The following PPP1R18 variants were observed in gnomAD, a reference collection of about 807,000 sequenced individuals.
PPP1R18 encodes the protein phostensin.
PPP1R18 carries 31 observed loss-of-function variants against 54.8 expected under a neutral mutation model. The observed-to-expected ratio is 0.57, with a 90% CI of 0.43 to 0.76. The LOEUF (loss-of-function observed/expected upper bound fraction) is 0.76. Among genes scored for constraint, PPP1R18 ranks in the 30% least tolerant of loss-of-function variants. PPP1R18 has a pLI of 0.00. For synonymous variants in PPP1R18, 310 were observed against 320.2 expected (o/e 0.97, Z 0.34); for missense variants, 685 against 776.1 (o/e 0.88, Z 1.39).
chr6:30,678,209 C>A (rs76488288), intron 2 of PPP1R18, among the ~76,000 whole-genome samples: 3 of 150,486 alleles, frequency 2.0e-5, no homozygotes, highest in Non-Finnish European at 3.0e-5. Context: ...CCGTGCCTGG[C>A]CTGTTTGTTT....
At position 30,683,624 on chromosome 6, in the gene PPP1R18, G is replaced by A. The variant is rs1435145786; in HGVS notation, c.1611+784C>T. Among the ~76,000 whole-genome samples, 10 of 152,186 alleles carry A rather than the reference G, an allele frequency of 6.6e-5. No individual in the cohort carries two copies. Among genetic ancestry groups the A allele is most frequent in the Admixed American group, 6.5e-4 (10 of 15,284 alleles). Reference sequence around the variant, plus strand: ...AGGGAGGGGAAACCCAGGGAGGAAGGACAGGGGAGTGAGGGGCGGGGGTAT... The same window carrying A: ...AGGGAGGGGAAACCCAGGGAGGAAGAACAGGGGAGTGAGGGGCGGGGGTAT... On this transcript the variant is annotated intron_variant, in intron 1 of 2. Transcript: ENST00000274853. The surrounding 1 kb of genome is among the most constrained non-coding windows in gnomAD (Gnocchi z 5.1).
chr6:30,683,959 C>G lies in PPP1R18; in HGVS notation c.1611+449G>C, dbSNP rs1196096665. On this transcript the variant is annotated intron_variant, in intron 1 of 2. Transcript: ENST00000274853. The surrounding 1 kb of genome is among the most constrained non-coding windows in gnomAD (Gnocchi z 5.1). ...CCTAGAACACAAACCCACCCCACCCCCTCCACCACCCCAGGCTCCCTATCC... is the reference window on the plus strand; with the variant it reads ...CCTAGAACACAAACCCACCCCACCCGCTCCACCACCCCAGGCTCCCTATCC... Among the ~76,000 whole-genome samples, 2 of 152,084 alleles carry G rather than the reference C, an allele frequency of 1.3e-5. No individual in the cohort carries two copies. Among genetic ancestry groups the G allele is most frequent in the African/African-American group, 4.8e-5 (2 of 41,402 alleles).
Position 30,686,055 on chromosome 6 carries a change from A to G in PPP1R18, c.-37T>C. Reference sequence around the variant, plus strand: ...GGTGAGGGTAGGGAGCACTGGGGACAGAGAACAGGAAGGAGAGGCTCCAGA... The same window carrying G: ...GGTGAGGGTAGGGAGCACTGGGGACGGAGAACAGGAAGGAGAGGCTCCAGA... On this transcript the variant is annotated 5_prime_UTR_variant, in exon 1 of 3. Transcript: ENST00000274853. 5.3e-6 allele frequency: 8 copies of G among 1,517,338 alleles called. No homozygotes were observed. Among genetic ancestry groups the G allele is most frequent in the Non-Finnish European group, 7.0e-6 (8 of 1,140,564 alleles). 94.0% of individuals were successfully genotyped at this position (1,517,338 alleles called of 1,614,324 possible). A position where few individuals can be genotyped will look rare whatever the true frequency, so the allele number is the denominator to read the frequency against.
chr6:30,679,587 C>T (rs1770422061), intron 1 of PPP1R18, among the ~76,000 whole-genome samples, 198 bp from the exon 2 acceptor site: 1 of 152,074 alleles, frequency 6.6e-6, no homozygotes, highest in Admixed American at 6.6e-5. Context: ...TTTTCCTTTC[C>T]ATACTGGCTC....
At chr6:30,687,719 G>A (rs1771094903), upstream of PPP1R18, 1 of 152,800 alleles carries the variant, frequency 6.5e-6, no homozygotes, top group African/African-American at 2.4e-5. The surrounding 1 kb of genome is among the most constrained non-coding windows in gnomAD (Gnocchi z 7.9). Flanking sequence ...GGGCTTTGTG[G>A]ATGGGCGGCA....
At chr6:30,679,456 G>A (rs536520594) in intron 1 of PPP1R18, 67 bp from the exon 2 acceptor site, 329 of 475,664 alleles carry the variant, frequency 6.9e-4, no homozygotes, top group Non-Finnish European at 1.0e-3. Flanking sequence ...GGGGTTGAGG[G>A]AGAGAAAGCG....
rs116704984 is a variant in PPP1R18, at chr6:30,685,772, C to G, written c.247G>C (p.Gly83Arg). 1.9e-6 allele frequency: 3 copies of G among 1,612,886 alleles called. No individual in the cohort carries two copies. The highest frequency in any genetic ancestry group is 1.1e-5 in the South Asian group (1 of 91,092). Residue 83 changes from glycine to arginine, a missense_variant, in exon 1 of 3, where the codon GGG becomes CGG. Coordinates refer to ENST00000274853, the MANE Select transcript of PPP1R18 (RefSeq NM_133471.4). The surrounding 1 kb of genome is among the most constrained non-coding windows in gnomAD (Gnocchi z 5.0). ...ATGAATCGGTTCTGGTGCACTGGCCCGATGGCCTCCAGAAGGACCGCAGAC... is the reference window on the plus strand; with the variant it reads ...ATGAATCGGTTCTGGTGCACTGGCCGGATGGCCTCCAGAAGGACCGCAGAC... ...DESAVLLEAI[G>R]PVHQNRFIRQ...
Position 30,684,953 on chromosome 6 carries a change from G to C in PPP1R18, c.1066C>G (p.Pro356Ala). 1 of 1,613,128 alleles carries C rather than the reference G, an allele frequency of 6.2e-7. No individual in the cohort carries two copies. Among genetic ancestry groups the C allele is most frequent in the Non-Finnish European group, 8.5e-7 (1 of 1,180,020 alleles). ...TTCTCTGCTGACTCTGGAGGTTCTG[G>C]TTTCTGAGTTTGAGCCTCTATGTCC... Reference protein sequence around the residue: ...PRDIEAQTQKPEPPESAEKLL... With the variant: ...PRDIEAQTQKAEPPESAEKLL... The change falls in exon 1 of 3, where the codon CCA (proline) becomes GCA (alanine). Residue 356 changes from proline to alanine, a missense_variant. Transcript: ENST00000274853. This position sits in a 1 kb window ranked among gnomAD's most constrained non-coding sequence, Gnocchi z 6.0.
chr6:30,684,508 T>A lies in PPP1R18; in HGVS notation c.1511A>T (p.Lys504Met). The A allele has an allele frequency of 6.2e-7, 1 of 1,612,628 alleles. No homozygotes were observed. The highest frequency in any genetic ancestry group is 8.5e-7 in the Non-Finnish European group (1 of 1,179,802). The change falls in exon 1 of 3, where the codon AAG (lysine) becomes ATG (methionine). Residue 504 changes from lysine (K) to methionine (M), a missense_variant. Coordinates refer to ENST00000274853, the MANE Select transcript of PPP1R18 (RefSeq NM_133471.4). This position sits in a 1 kb window ranked among gnomAD's most constrained non-coding sequence, Gnocchi z 6.0. ...VDAAVPGAGK[K>M]RYPTAEEILV... ...GATCTCCTCGGCAGTTGGGTACCGC[T>A]TCTTCCCAGCCCCCGGGACTGCAGC...
At position 30,684,793 on chromosome 6, in the gene PPP1R18, C is replaced by T. The variant is rs1770775850; in HGVS notation, c.1226G>A (p.Gly409Glu). The change falls in exon 1 of 3, where the codon GGG (glycine) becomes GAG (glutamate). Residue 409 changes from glycine (G) to glutamate (E), a missense_variant. Gly to Glu is a moderately conservative substitution (Grantham distance 98). Transcript: ENST00000274853. The surrounding 1 kb of genome is among the most constrained non-coding windows in gnomAD (Gnocchi z 6.0). Reference protein sequence around the residue: ...VPSPLPPEDAGTGGLRQQEEE... With the variant: ...VPSPLPPEDAETGGLRQQEEE... ...TTCCTGCTGTCTCAGGCCTCCAGTCCCAGCGTCCTCTGGTGGGAGGGGGGA... is the reference window on the plus strand; with the variant it reads ...TTCCTGCTGTCTCAGGCCTCCAGTCTCAGCGTCCTCTGGTGGGAGGGGGGA... 6.2e-7 allele frequency: 1 copy of T among 1,608,230 alleles called. No individual in the cohort carries two copies. The highest frequency in any genetic ancestry group is 1.3e-5 in the African/African-American group (1 of 74,626).
chr6:30,679,432 G>T (rs117288608), intron 1 of PPP1R18, 43 bp from the exon 2 acceptor site: 1 of 1,417,730 alleles, frequency 7.1e-7, no homozygotes, highest in East Asian at 2.5e-5. Flanking sequence ...AGGTCAGCAG[G>T]GGAGAAGCCC....
At position 30,679,216 on chromosome 6, in the gene PPP1R18, C is replaced by A; in HGVS notation, c.1785G>T (p.Glu595Asp). The A allele has an allele frequency of 1.3e-6, 2 of 1,587,308 alleles. No individual in the cohort carries two copies. Among genetic ancestry groups the A allele is most frequent in the Non-Finnish European group, 1.7e-6 (2 of 1,168,682 alleles). ...DEEELLLLQP[E>D]LQGGLRTKAL... The stretch of plus-strand genomic sequence containing the variant: ...CCTTGGTGCGCAGCCCGCCCTGGAG[C>A]TCTGGCTGCAGCAGCAGCAGCTCTT... The change falls in exon 2 of 3, where the codon GAG becomes GAT. Residue 595 changes from glutamate (E) to aspartate (D), a missense_variant. By Grantham distance (45) the Glu-to-Asp change is conservative (BLOSUM62 2). Coordinates refer to ENST00000274853, the MANE Select transcript of PPP1R18 (RefSeq NM_133471.4).
rs923710925 is a variant in PPP1R18, at chr6:30,683,446, A to G, written c.1611+962T>C. ...TGACCCTCTGCTGGCCTCAGCCCCA[A>G]CCCCTGTCCAGAACTCCCACTGTGC... On this transcript the variant is annotated intron_variant, in intron 1 of 2. Coordinates refer to ENST00000274853, the MANE Select transcript of PPP1R18 (RefSeq NM_133471.4). This position sits in a 1 kb window ranked among gnomAD's most constrained non-coding sequence, Gnocchi z 5.1. Among the ~76,000 whole-genome samples, 2 of 152,010 alleles carry G rather than the reference A, an allele frequency of 1.3e-5. No homozygotes were observed. The highest frequency in any genetic ancestry group is 2.9e-5 in the Non-Finnish European group (2 of 68,000).
chr6:30,684,385 G>A lies in PPP1R18; in HGVS notation c.1611+23C>T. ...AAATTGACAAGTGGACTTCTAAGAA[G>A]TCTGGCTTGGCTGCTTCCCTACCTG... is the stretch of plus-strand genomic sequence containing the variant. On this transcript the variant is annotated intron_variant, in intron 1 of 2. Coordinates refer to ENST00000274853, the MANE Select transcript of PPP1R18 (RefSeq NM_133471.4). This position sits in a 1 kb window ranked among gnomAD's most constrained non-coding sequence, Gnocchi z 6.0. 1.3e-6 allele frequency: 2 copies of A among 1,517,064 alleles called. No homozygotes were observed. The highest frequency in any genetic ancestry group is 1.8e-4 in the Middle Eastern group (1 of 5,606). The allele number at this position is 1,517,064 out of a possible 1,614,324, so 94.0% of individuals were successfully genotyped here. A position where few individuals can be genotyped will look rare whatever the true frequency, so the allele number is the denominator to read the frequency against.
In PPP1R18 at chr6:30,676,940, G is replaced by T; in HGVS notation, c.*329C>A. 1 of 492,422 alleles carries T rather than the reference G, an allele frequency of 2.0e-6. No homozygotes were observed. Among genetic ancestry groups the T allele is most frequent in the Non-Finnish European group, 3.6e-6 (1 of 277,542 alleles). The allele number at this position is 492,422 out of a possible 1,614,324, so 30.5% of individuals were successfully genotyped here. On this transcript the variant is annotated 3_prime_UTR_variant, in exon 3 of 3. Transcript: ENST00000274853. ...ACGGGATGGTGGGGAGGAAGGCTGTGGGGAGAGTGTACCCTGCCATGGGGG... is the reference window on the plus strand; with the variant it reads ...ACGGGATGGTGGGGAGGAAGGCTGTTGGGAGAGTGTACCCTGCCATGGGGG...
chr6:30,684,753 C>A lies in PPP1R18; in HGVS notation c.1266G>T (p.Glu422Asp). ...GAGGGGCTGGTGGTGGGGGCTGGAG[C>A]TCCACTGCTTCCTCTTCCTGCTGTC... ...GLRQQEEEAV[E>D]LQPPPPAPLS... Residue 422 changes from glutamate (E) to aspartate (D), a missense_variant, in exon 1 of 3, where the codon GAG becomes GAT. By Grantham distance (45) the Glu-to-Asp change is conservative (BLOSUM62 2). Coordinates refer to ENST00000274853, the MANE Select transcript of PPP1R18 (RefSeq NM_133471.4). The surrounding 1 kb of genome is among the most constrained non-coding windows in gnomAD (Gnocchi z 6.0). 2 of 1,577,110 alleles carry A rather than the reference C, an allele frequency of 1.3e-6. No homozygotes were observed. Among genetic ancestry groups the A allele is most frequent in the South Asian group, 1.2e-5 (1 of 85,646 alleles).
rs1486755911 is a variant in PPP1R18, at chr6:30,685,722, C to G, written c.297G>C (p.Gln99His). The G allele has an allele frequency of 3.7e-6, 6 of 1,612,588 alleles. No homozygotes were observed. The South Asian group carries it at 6.6e-5, about 18-fold the overall frequency. Residue 99 changes from glutamine to histidine, a missense_variant, in exon 1 of 3, where the codon CAG becomes CAC. Transcript: ENST00000274853. The surrounding 1 kb of genome is among the most constrained non-coding windows in gnomAD (Gnocchi z 5.0). ...GCTCTTCACTCCGTTGTTGTTGCTG[C>G]TGCTGCTGCTGCCGCTCCTGCCGGA... ...RFIRQERQQQQQQQQRSEELL... is the reference protein window; with the variant it reads ...RFIRQERQQQHQQQQRSEELL...
chr6:30,684,776 G>C lies in PPP1R18; in HGVS notation c.1243C>G (p.Gln415Glu), dbSNP rs778287995. The change falls in exon 1 of 3, where the codon CAG becomes GAG. Residue 415 changes from glutamine (Q) to glutamate (E), a missense_variant. By Grantham distance (29) the Gln-to-Glu change is conservative. Transcript: ENST00000274853. This position sits in a 1 kb window ranked among gnomAD's most constrained non-coding sequence, Gnocchi z 6.0. ...PEDAGTGGLR[Q>E]QEEEAVELQP... Reference sequence around the variant, plus strand: ...AGCTCCACTGCTTCCTCTTCCTGCTGTCTCAGGCCTCCAGTCCCAGCGTCC... The same window carrying C: ...AGCTCCACTGCTTCCTCTTCCTGCTCTCTCAGGCCTCCAGTCCCAGCGTCC... 6 of 1,601,062 alleles carry C rather than the reference G, an allele frequency of 3.7e-6. No homozygotes were observed. The highest frequency in any genetic ancestry group is 2.7e-5 in the African/African-American group (2 of 74,404).
rs369813614 is a variant in PPP1R18, at chr6:30,685,955, C to A, written c.64G>T (p.Val22Phe). ...CGTTCTGCTTTCTCTCGGCCTCGAA[C>A]GGACGCCTCCTCCTGCCGGCGCCGG... Reference protein sequence around the residue: ...LARRRQEEASVRGREKAERER... With the variant: ...LARRRQEEASFRGREKAERER... Residue 22 changes from valine (V) to phenylalanine (F), a missense_variant, in exon 1 of 3, where the codon GTT (valine) becomes TTT (phenylalanine). Transcript: ENST00000274853. This position sits in a 1 kb window ranked among gnomAD's most constrained non-coding sequence, Gnocchi z 5.0. 3 of 1,603,300 alleles carry A rather than the reference C, an allele frequency of 1.9e-6. No individual in the cohort carries two copies. Among genetic ancestry groups the A allele is most frequent in the Admixed American group, 3.4e-5 (2 of 59,478 alleles).
Sources: allele counts gnomAD v4.1 joint callset (sites outside exome capture counted in the v4.1 genomes callset), GRCh38; gene constraint gnomAD v4.1.1; non-coding constraint Gnocchi (gnomAD v3.1); transcripts MANE v1.5; gene names NCBI Gene and HGNC (gene_info 2026-07-23, HGNC 2026-07-21).